CEP128: variants seen among roughly 807,000 people sequenced by gnomAD.
CEP128 encodes centrosomal protein 128kDa.
A neutral mutation model predicts 156.7 loss-of-function variants in CEP128; 132 were observed. That is an observed-to-expected ratio of 0.84 (90% CI 0.73 to 0.97). The LOEUF is 0.97. Among genes scored for constraint, CEP128 ranks in the 50% least tolerant of loss-of-function variants. The probability of loss-of-function intolerance (pLI) is 0.00; values close to 1 mark genes in which losing one functional copy is unlikely to be tolerated. For missense variants in CEP128, 1,252 were observed against 1,281.9 expected (o/e 0.98, Z 0.36); for synonymous variants, 469 against 448.9 (o/e 1.04, Z -0.57).
At chr14:80,865,744 G>A (rs1414472168) in intron 8 of CEP128, among the ~76,000 whole-genome samples, 3 of 152,136 alleles carry the variant, frequency 2.0e-5, no homozygotes, top group Non-Finnish European at 4.4e-5. Context: ...TAATAAAGCA[G>A]GCTGCCATGT....
Position 80,621,365 on chromosome 14 carries a change from A to G in CEP128, c.2807-40942T>C, listed in dbSNP as rs1304943172. Among the ~76,000 whole-genome samples the G allele has an allele frequency of 2.6e-5, 4 of 152,276 alleles. 1 individual carries two copies. The highest frequency in any genetic ancestry group is 7.2e-5 in the African/African-American group (3 of 41,570). ...TAATATGTATTGTCTTTCCTCTTGA[A>G]TCTGTTCTATTTGGTTTGTCTAAGA... On this transcript the variant is annotated intron_variant, in intron 19 of 24. Coordinates refer to ENST00000555265, the MANE Select transcript of CEP128 (RefSeq NM_152446.5).
intron 2 of CEP128, chr14:80,955,998 G>A: frequency 1.1e-6 from 1 of 951,758 alleles, no homozygotes; most frequent in South Asian, 1.4e-5. Flanking sequence ...GTGTAGATGT[G>A]TGTGTGTGCT....
intron 2 of CEP128, among the ~76,000 whole-genome samples, chr14:80,938,772 A>C (rs1272188073): frequency 6.6e-6 from 1 of 152,232 alleles, no homozygotes; most frequent in African/African-American, 2.4e-5. Context: ...TAATAATATA[A>C]GGACCACTAT....
intron 14 of CEP128, among the ~76,000 whole-genome samples, chr14:80,478,885 G>C (rs953348267): frequency 3.3e-5 from 5 of 152,158 alleles, no homozygotes; most frequent in African/African-American, 1.2e-4. Flanking sequence ...TAATTCCAGA[G>C]TCCAGTTAGC....
At chr14:80,706,640 C>T (rs1897248615) in intron 19 of CEP128, among the ~76,000 whole-genome samples, 1 of 152,032 alleles carries the variant, frequency 6.6e-6, no homozygotes, top group South Asian at 2.1e-4. Flanking sequence ...GTTCATTCAG[C>T]TTGGGGTTCA....
At chr14:80,675,748 A>G (rs912082081) in intron 19 of CEP128, among the ~76,000 whole-genome samples, 1 of 152,080 alleles carries the variant, frequency 6.6e-6, no homozygotes, top group Non-Finnish European at 1.5e-5. Context: ...AAGATAGTCA[A>G]ATCTTTCCAT....
intron 19 of CEP128, among the ~76,000 whole-genome samples, chr14:80,701,709 C>T (rs1595246182): frequency 6.6e-6 from 1 of 152,162 alleles, no homozygotes; most frequent in Admixed American, 6.5e-5. Flanking sequence ...ATCAGTCTTC[C>T]CATCTTAAAC....
intron 19 of CEP128, among the ~76,000 whole-genome samples, chr14:80,720,798 A>G (rs1243538019): frequency 6.6e-6 from 1 of 152,208 alleles, no homozygotes; most frequent in East Asian, 1.9e-4. Flanking sequence ...CTGAATGGAA[A>G]ATAACCTTGA....
At chr14:80,796,225 G>A (rs888827344) in intron 13 of CEP128, among the ~76,000 whole-genome samples, 17 of 152,114 alleles carry the variant, frequency 1.1e-4, no homozygotes, top group Non-Finnish European at 4.4e-5. Context: ...TTGGGAGGCC[G>A]AGGTGGGCGG....
chr14:80,649,135 G>A (rs1348572589), intron 19 of CEP128, among the ~76,000 whole-genome samples: 1 of 152,118 alleles, frequency 6.6e-6, no homozygotes. Flanking sequence ...GCAAGATGCT[G>A]CAGTTGTTTA....
chr14:80,665,430 T>C (rs1219527452), intron 19 of CEP128, among the ~76,000 whole-genome samples: 1 of 152,204 alleles, frequency 6.6e-6, no homozygotes, highest in Non-Finnish European at 1.5e-5. Flanking sequence ...TAATTGACTA[T>C]CCCAGCTTCA....
At chr14:80,508,248 T>C (rs1888077673) in intron 23 of CEP128, among the ~76,000 whole-genome samples, 1 of 152,216 alleles carries the variant, frequency 6.6e-6, no homozygotes, top group Non-Finnish European at 1.5e-5. Flanking sequence ...AGCCAGTTAC[T>C]TGGCATATGA....
chr14:80,735,518 G>A (rs1222302941), intron 19 of CEP128, among the ~76,000 whole-genome samples: 1 of 152,146 alleles, frequency 6.6e-6, no homozygotes, highest in Non-Finnish European at 1.5e-5. Flanking sequence ...AGAGGGTCAA[G>A]CAGGCTGGAA....
intron 19 of CEP128, among the ~76,000 whole-genome samples, chr14:80,607,983 T>C (rs982662467): frequency 3.9e-5 from 6 of 152,222 alleles, no homozygotes; most frequent in African/African-American, 1.4e-4. Context: ...CTTTCTGCTC[T>C]TCAAAGAGCC....
chr14:80,826,360 T>C (rs143652606), intron 13 of CEP128, among the ~76,000 whole-genome samples: 5 of 152,168 alleles, frequency 3.3e-5, no homozygotes, highest in Non-Finnish European at 7.3e-5. Flanking sequence ...TATTTTACAA[T>C]ATGCACTTAG....
intron 19 of CEP128, among the ~76,000 whole-genome samples, chr14:80,669,581 T>A (rs1429116279): frequency 1.3e-5 from 2 of 152,166 alleles, no homozygotes; most frequent in Non-Finnish European, 2.9e-5. Context: ...ACAGCACTAA[T>A]AATCAGAGAA....
chr14:80,607,806 T>G (rs1892844431), intron 19 of CEP128, among the ~76,000 whole-genome samples: 1 of 152,164 alleles, frequency 6.6e-6, no homozygotes, highest in Non-Finnish European at 1.5e-5. Context: ...ACACCATTAC[T>G]TTTTATAGAT....
At chr14:80,856,607 C>G (rs1887171797) in intron 9 of CEP128, among the ~76,000 whole-genome samples, 1 of 151,818 alleles carries the variant, frequency 6.6e-6, no homozygotes, top group Admixed American at 6.6e-5. Context: ...CACACCACTG[C>G]ACTCCAGCGT....
intron 16 of CEP128, among the ~76,000 whole-genome samples, chr14:80,764,321 AC>A (rs1281147539): frequency 2.0e-5 from 3 of 150,820 alleles, no homozygotes; most frequent in African/African-American, 7.3e-5. Context: ...ACAAGGTGAA[AC>A]CCCGTCTCTA....
Sources: gnomAD v4.1 joint callset for allele counts (sites outside exome capture counted in the v4.1 genomes callset) on GRCh38, gnomAD v4.1.1 for gene constraint, MANE v1.5 for transcripts, NCBI Gene and HGNC (gene_info 2026-07-23, HGNC 2026-07-21) for gene names.